The following CDKN2B-AS1 variants were observed in gnomAD, a reference collection of about 807,000 sequenced individuals.
The protein encoded by CDKN2B-AS1 is CDKN2B antisense RNA 1 (non-protein coding).
chr9:22,017,266 A>T (rs1227450303), intron 1 of CDKN2B-AS1, among the ~76,000 whole-genome samples: 1 of 152,208 alleles, frequency 6.6e-6, no homozygotes, highest in Non-Finnish European at 1.5e-5. Flanking sequence ...CTCTACTAAA[A>T]ACAAACAAAA....
chr9:22,007,078 G>C (rs2131184384), intron 1 of CDKN2B-AS1, among the ~76,000 whole-genome samples: 1 of 152,224 alleles, frequency 6.6e-6, no homozygotes, highest in Non-Finnish European at 1.5e-5. Flanking sequence ...AAAGAGCTTG[G>C]GCCAGGCCCA....
intron 4 of CDKN2B-AS1, among the ~76,000 whole-genome samples, chr9:22,071,316 T>A (rs1012386522): frequency 4.0e-5 from 4 of 101,192 alleles, no homozygotes; most frequent in Non-Finnish European, 7.4e-5. Flanking sequence ...TTTTTTTTTT[T>A]AGACACGGAG....
chr9:22,071,617 T>C (rs1228579666), intron 4 of CDKN2B-AS1, among the ~76,000 whole-genome samples: 2 of 152,150 alleles, frequency 1.3e-5, no homozygotes, highest in Non-Finnish European at 2.9e-5. Flanking sequence ...ACTGTATTCA[T>C]TGGATATGAG....
At chr9:22,022,989 A>T (rs1322004785) in intron 1 of CDKN2B-AS1, among the ~76,000 whole-genome samples, 2 of 152,116 alleles carry the variant, frequency 1.3e-5, no homozygotes, top group Non-Finnish European at 2.9e-5. Context: ...TTCAGCTGAG[A>T]GGTCTGTTGT....
At chr9:22,012,614 TTGACTGG>T in intron 1 of CDKN2B-AS1, 1 of 405,188 alleles carries the variant, frequency 2.5e-6, no homozygotes, top group Non-Finnish European at 4.6e-6. Flanking sequence ...GTCCCTTTCA[TTGACTGG>T]AAAAAAAAAA....
chr9:22,049,844 A>G (rs929990707), intron 3 of CDKN2B-AS1, among the ~76,000 whole-genome samples: 4 of 152,172 alleles, frequency 2.6e-5, no homozygotes, highest in African/African-American at 9.7e-5. Context: ...ATTGGCCAGC[A>G]TATAGTAAAC....
chr9:22,009,058 T>G, intron 1 of CDKN2B-AS1: 1 of 1,515,040 alleles, frequency 6.6e-7, no homozygotes, highest in South Asian at 1.1e-5. Flanking sequence ...ACTCTCTCCT[T>G]CCTAGGAGAC....
Position 22,006,165 on chromosome 9 carries a change from A to G in CDKN2B-AS1, n.29+11004A>G, listed in dbSNP as rs766769221. 9 of 1,611,604 alleles carry G rather than the reference A, an allele frequency of 5.6e-6. No homozygotes were observed. Among genetic ancestry groups the G allele is most frequent in the Non-Finnish European group, 6.8e-6 (8 of 1,179,878 alleles). On this transcript the variant is annotated intron_variant and non_coding_transcript_variant, in intron 1 of 4. Transcript: ENST00000650946. This position sits in a 1 kb window ranked among gnomAD's most constrained non-coding sequence, Gnocchi z 6.4. The stretch of plus-strand genomic sequence containing the variant: ...GGCAGCATCATGCACCGGTCGGGTG[A>G]GAGTGGCAGGGTCTGCGCAGTTGGG...
At chr9:22,073,650 C>T (rs971962095) in intron 4 of CDKN2B-AS1, among the ~76,000 whole-genome samples, 1 of 152,152 alleles carries the variant, frequency 6.6e-6, no homozygotes, top group African/African-American at 2.4e-5. Context: ...GCTGTTTTGA[C>T]CCATTTAGCT....
At chr9:22,090,162 C>A (rs200226066) in intron 4 of CDKN2B-AS1, among the ~76,000 whole-genome samples, 5 of 152,034 alleles carry the variant, frequency 3.3e-5, no homozygotes, top group Non-Finnish European at 5.9e-5. Context: ...TGAACTCATC[C>A]TTTTTTATGG....
At chr9:22,021,259 T>TTTTA (rs1269027217) in intron 1 of CDKN2B-AS1, among the ~76,000 whole-genome samples, 3 of 152,114 alleles carry the variant, frequency 2.0e-5, no homozygotes, top group Middle Eastern at 3.4e-3. Context: ...TGTTCTTAAC[T>TTTTA]TTTATTTATT....
Position 22,039,006 on chromosome 9 carries a change from A to C in CDKN2B-AS1, n.30-7745A>C, listed in dbSNP as rs1037527203. On this transcript the variant is annotated intron_variant and non_coding_transcript_variant, in intron 1 of 4. Transcript: ENST00000650946. This position sits in a 1 kb window ranked among gnomAD's most constrained non-coding sequence, Gnocchi z 4.4. ...ATCTGAGAAAATTTCCAGTTAGGACATGGAAATTTTTTCCTTGTCAATATT... is the reference window on the plus strand; with the variant it reads ...ATCTGAGAAAATTTCCAGTTAGGACCTGGAAATTTTTTCCTTGTCAATATT... Among the ~76,000 whole-genome samples the C allele has an allele frequency of 6.6e-6, 1 of 152,028 alleles. No homozygotes were observed. The highest frequency in any genetic ancestry group is 1.5e-5 in the Non-Finnish European group (1 of 67,958).
chr9:22,120,555 G>T (rs1017372685), intron 4 of CDKN2B-AS1: 2 of 152,054 alleles, frequency 1.3e-5, no homozygotes, highest in Non-Finnish European at 2.9e-5. Flanking sequence ...CAAGCATATA[G>T]ATCAAAGCTG....
intron 1 of CDKN2B-AS1, among the ~76,000 whole-genome samples, chr9:22,026,867 T>G (rs1289680149): frequency 6.6e-6 from 1 of 152,184 alleles, no homozygotes; most frequent in South Asian, 2.1e-4. Context: ...GGGGATCTCC[T>G]GATCTGAGGT....
chr9:22,004,119 T>C (rs1282379118), intron 1 of CDKN2B-AS1: 2 of 232,354 alleles, frequency 8.6e-6, no homozygotes, highest in Non-Finnish European at 1.7e-5. Flanking sequence ...TTAACAAATA[T>C]ATTTTAATGC....
exon 5 of CDKN2B-AS1, among the ~76,000 whole-genome samples, chr9:22,127,776 C>T (rs1188774883): frequency 2.0e-5 from 3 of 152,162 alleles, no homozygotes; most frequent in African/African-American, 4.8e-5. Context: ...ACCATGAAAA[C>T]TCTAATTGTA....
intron 4 of CDKN2B-AS1, among the ~76,000 whole-genome samples, chr9:22,122,046 T>C (rs573323302): frequency 1.4e-4 from 21 of 144,994 alleles, no homozygotes; most frequent in Admixed American, 4.4e-4. Context: ...TCCAAATCCC[T>C]GCCAGCATTT....
intron 4 of CDKN2B-AS1, among the ~76,000 whole-genome samples, chr9:22,109,039 T>TC: frequency 6.6e-6 from 1 of 152,248 alleles, no homozygotes; most frequent in Middle Eastern, 3.4e-3. Flanking sequence ...ATTATTTTTT[T>TC]CCCCAGAAGA....
intron 1 of CDKN2B-AS1, among the ~76,000 whole-genome samples, chr9:22,015,702 T>C (rs1353956712): frequency 6.6e-6 from 1 of 152,200 alleles, no homozygotes; most frequent in Non-Finnish European, 1.5e-5. Context: ...GTTAGTTACA[T>C]ATGTATTCAT....
Sources: allele counts gnomAD v4.1 joint callset (sites outside exome capture counted in the v4.1 genomes callset), GRCh38; gene constraint gnomAD v4.1.1; non-coding constraint Gnocchi (gnomAD v3.1); transcripts MANE v1.5; gene names NCBI Gene and HGNC (gene_info 2026-07-23, HGNC 2026-07-21).